Variants in STAT5B observed in about 807,000 individuals in gnomAD.
The protein encoded by STAT5B is signal transducer and activator of transcription 5B, also known as transcription factor STAT5B.
A neutral mutation model predicts 107.8 loss-of-function variants in STAT5B; 21 were observed. The observed-to-expected ratio is 0.19, with a 90% CI of 0.14 to 0.28. The LOEUF (loss-of-function observed/expected upper bound fraction) is 0.28, where lower values mean the gene tolerates loss of function less well. Among genes scored for constraint, STAT5B ranks in the 10% least tolerant of loss-of-function variants. The probability of loss-of-function intolerance (pLI) is 1.00; values close to 1 mark genes in which losing one functional copy is unlikely to be tolerated. For missense variants in STAT5B, 565 were observed against 1,008.2 expected (o/e 0.56, Z 5.95); for synonymous variants, 325 against 401.7 (o/e 0.81, Z 2.28).
chr17:42,226,703 G>A (rs1046943252), intron 3 of STAT5B, among the ~76,000 whole-genome samples: 2 of 151,384 alleles, frequency 1.3e-5, no homozygotes, highest in Non-Finnish European at 2.9e-5. Flanking sequence ...AGCTACTTGG[G>A]AGGCTGAGGC....
chr17:42,235,756 G>A (rs1270047793), intron 1 of STAT5B, among the ~76,000 whole-genome samples: 5 of 152,316 alleles, frequency 3.3e-5, no homozygotes, highest in Admixed American at 1.3e-4. Context: ...GATTACAGGC[G>A]TGAGCCACCA....
chr17:42,273,219 GAAA>G (rs903254565), intron 1 of STAT5B, among the ~76,000 whole-genome samples: 2 of 142,764 alleles, frequency 1.4e-5, no homozygotes, highest in Admixed American at 7.0e-5. Flanking sequence ...CACTGCAGGA[GAAA>G]AAAAAAAACT....
At chr17:42,281,850 T>C in the STAT5B span, among the ~76,000 whole-genome samples, 1 of 152,138 alleles carries the variant, frequency 6.6e-6, no homozygotes, top group Non-Finnish European at 1.5e-5. Flanking sequence ...GGATGCAGCA[T>C]TATCCAGGGA....
At chr17:42,239,229 A>G (rs2080382272) in intron 1 of STAT5B, among the ~76,000 whole-genome samples, 1 of 146,226 alleles carries the variant, frequency 6.8e-6, no homozygotes, top group South Asian at 2.2e-4. Flanking sequence ...AGCTGGCGAC[A>G]GAGCAAGACT....
Position 42,216,059 on chromosome 17 carries a change from G to A in STAT5B, c.1428C>T (p.Asn476=). 1 of 1,613,956 alleles carries A rather than the reference G, an allele frequency of 6.2e-7. No individual in the cohort carries two copies. Among genetic ancestry groups the A allele is most frequent in the Non-Finnish European group, 8.5e-7 (1 of 1,179,992 alleles). The part of the protein sequence containing the change: ...VVVIVHGSQD[N]NATATVLWDN... ...CCCAGAGAACAGTGGCCGTCGCATT[G>A]TTGTCCTGGCTGCCATGAACGATCA... Residue 476 remains asparagine (N), a synonymous_variant, in exon 12 of 19, where the codon AAC becomes AAT. Transcript: ENST00000293328.
At chr17:42,272,559 C>T (rs999329202) in intron 1 of STAT5B, 19 of 152,198 alleles carry the variant, frequency 1.2e-4, no homozygotes, top group African/African-American at 4.3e-4. Context: ...AAGACAAGAA[C>T]ATCTTGCCTT....
intron 2 of STAT5B, among the ~76,000 whole-genome samples, chr17:42,229,776 C>T (rs1375386698): frequency 6.6e-6 from 1 of 151,492 alleles, no homozygotes; most frequent in Non-Finnish European, 1.5e-5. Flanking sequence ...GAAGCTGAGG[C>T]ACGAGAATTG....
At chr17:42,273,671 C>G (rs1219276350) in intron 1 of STAT5B, among the ~76,000 whole-genome samples, 1 of 152,178 alleles carries the variant, frequency 6.6e-6, no homozygotes, top group Non-Finnish European at 1.5e-5. Flanking sequence ...CACCTGTAAC[C>G]TGCATCTAAT....
intron 12 of STAT5B, among the ~76,000 whole-genome samples, chr17:42,215,621 C>CT (rs767262431): frequency 6.1e-4 from 92 of 151,214 alleles, no homozygotes; most frequent in South Asian, 3.8e-3. Context: ...TTTTCCTATG[C>CT]TTTTTTTTTA....
At chr17:42,224,932 T>A in intron 3 of STAT5B, 64 bp from the exon 4 acceptor site, 2 of 1,566,894 alleles carry the variant, frequency 1.3e-6, no homozygotes, top group Non-Finnish European at 8.8e-7. Context: ...TAACCATGCC[T>A]CAGGATGGGG....
chr17:42,241,221 T>C (rs1431192156), intron 1 of STAT5B, among the ~76,000 whole-genome samples: 1 of 151,320 alleles, frequency 6.6e-6, no homozygotes, highest in Non-Finnish European at 1.5e-5. Flanking sequence ...ATGCCTGTAA[T>C]CCCAGCTACT....
chr17:42,270,705 T>C (rs1204663974), intron 1 of STAT5B: 3 of 152,192 alleles, frequency 2.0e-5, no homozygotes, highest in East Asian at 1.9e-4. Context: ...AGAAACAAAA[T>C]GTCTTATAAC....
At position 42,212,095 on chromosome 17, in the gene STAT5B, C is replaced by G. The variant is rs143172354; in HGVS notation, c.1569G>C (p.Arg523=). 1 of 1,614,134 alleles carries G rather than the reference C, an allele frequency of 6.2e-7. No individual in the cohort carries two copies. Among genetic ancestry groups the G allele is most frequent in the Non-Finnish European group, 8.5e-7 (1 of 1,180,012 alleles). Residue 523 remains arginine (R), a synonymous_variant, in exon 13 of 19, where the codon CGG becomes CGC. Coordinates refer to ENST00000293328, the MANE Select transcript of STAT5B (RefSeq NM_012448.4). ...MKFKAEVQSN[R]GLTKENLVFL... ...ACACGAGGTTCTCCTTGGTCAGGCC[C>G]CGGTTGCTCTGCACTTCGGCCTTGA...
chr17:42,201,480 ACT>A lies in STAT5B; in HGVS notation c.*256_*257del. The A allele has an allele frequency of 1.6e-6, 1 of 611,920 alleles. No individual in the cohort carries two copies. Among genetic ancestry groups the A allele is most frequent in the South Asian group, 1.9e-5 (1 of 52,582 alleles). The allele number at this position is 611,920 out of a possible 1,614,324, so 37.9% of individuals were successfully genotyped here. A position where few individuals can be genotyped will look rare whatever the true frequency, so the allele number is the denominator to read the frequency against. ...TCTGTGGCCCCTCTGCTACAACTAA[ACT>A]CTCAGACAGTGAGAGGGAGAAACAC... On this transcript the variant is annotated 3_prime_UTR_variant, in exon 19 of 19. Transcript: ENST00000293328.
intron 1 of STAT5B, among the ~76,000 whole-genome samples, chr17:42,238,451 C>A (rs1399764342): frequency 8.0e-6 from 1 of 124,848 alleles, no homozygotes; most frequent in Non-Finnish European, 1.7e-5. Context: ...TGTGCCTGGC[C>A]TTTTTTTTTT....
Position 42,218,161 on chromosome 17 carries a change from T to C in STAT5B, c.1159A>G (p.Asn387Asp). 2.5e-6 allele frequency: 4 copies of C among 1,614,072 alleles called. No homozygotes were observed. The highest frequency in any genetic ancestry group is 2.5e-6 in the Non-Finnish European group (3 of 1,179,992). Residue 387 changes from asparagine (N) to aspartate (D), a missense_variant, in exon 9 of 19, where the codon AAC (asparagine) becomes GAC (aspartate). Asn to Asp is a conservative substitution (Grantham distance 23). Coordinates refer to ENST00000293328, the MANE Select transcript of STAT5B (RefSeq NM_012448.4). The stretch of plus-strand genomic sequence containing the variant: ...AAGCTGCACAATTACTTGCGGGTGT[T>C]CTCGTTCTTGAGCAGAGACTTGGCC... ...QQAKSLLKNE[N>D]TRNDYSGEIL...
At chr17:42,265,375 T>C (rs2080659438) in intron 1 of STAT5B, among the ~76,000 whole-genome samples, 3 of 140,328 alleles carry the variant, frequency 2.1e-5, no homozygotes, top group Admixed American at 2.0e-4. Flanking sequence ...GTATGTACTC[T>C]TCTTTTTTTT....
chr17:42,208,904 TTG>T (rs2080106981), intron 15 of STAT5B, among the ~76,000 whole-genome samples: 1 of 152,000 alleles, frequency 6.6e-6, no homozygotes, highest in African/African-American at 2.4e-5. Context: ...GCTAATTTTT[TTG>T]TGTTTTTAGT....
At chr17:42,260,088 A>G (rs2080581686) in intron 1 of STAT5B, among the ~76,000 whole-genome samples, 1 of 152,232 alleles carries the variant, frequency 6.6e-6, no homozygotes, top group Admixed American at 6.5e-5. Context: ...TGTGCTACCT[A>G]AGCACTTGAA....
Sources: allele counts gnomAD v4.1 joint callset (sites outside exome capture counted in the v4.1 genomes callset), GRCh38; gene constraint gnomAD v4.1.1; transcripts MANE v1.5; gene names NCBI Gene and HGNC (gene_info 2026-07-23, HGNC 2026-07-21).